Variants in UNC13B observed in about 807,000 individuals in gnomAD.
UNC13B encodes the protein unc-13 homolog B.
UNC13B carries 144 observed loss-of-function variants against 211.0 expected under a neutral mutation model. The observed-to-expected ratio is 0.68, with a 90% CI of 0.60 to 0.78. The LOEUF (loss-of-function observed/expected upper bound fraction) is 0.78, where lower values mean the gene tolerates loss of function less well. Ranked by LOEUF, UNC13B falls within the 30% of genes least tolerant of loss-of-function variation. UNC13B has a pLI of 0.00. For missense variants in UNC13B, 1,777 were observed against 2,002.0 expected (o/e 0.89, Z 2.14); for synonymous variants, 709 against 725.8 (o/e 0.98, Z 0.37).
chr9:35,170,627 C>G (rs1407615081), intron 1 of UNC13B, among the ~76,000 whole-genome samples: 1 of 151,522 alleles, frequency 6.6e-6, no homozygotes, highest in African/African-American at 2.4e-5. Flanking sequence ...AACTACCATG[C>G]TTGGCTAATT....
intron 37 of UNC13B, among the ~76,000 whole-genome samples, chr9:35,402,275 TTTTTTTC>T (rs1836359225): frequency 6.6e-6 from 1 of 150,510 alleles, no homozygotes; most frequent in African/African-American, 2.5e-5. Flanking sequence ...TGGTGTTTTC[TTTTTTTC>T]TTTTTTTTTT....
intron 1 of UNC13B, among the ~76,000 whole-genome samples, chr9:35,218,612 A>C (rs369851457): frequency 1.3e-5 from 2 of 152,004 alleles, no homozygotes; most frequent in Non-Finnish European, 1.5e-5. Context: ...TCCCAGGCTC[A>C]TCTCAGGCTC....
At chr9:35,381,523 A>T in intron 19 of UNC13B, 33 bp from the exon 20 acceptor site, 1 of 1,599,960 alleles carries the variant, frequency 6.3e-7, no homozygotes, top group Non-Finnish European at 8.5e-7. Context: ...TATGTGTTTA[A>T]CCCATTCCCT....
At chr9:35,342,704 G>C (rs1055201124) in intron 11 of UNC13B, among the ~76,000 whole-genome samples, 1 of 152,106 alleles carries the variant, frequency 6.6e-6, no homozygotes, top group Non-Finnish European at 1.5e-5. Flanking sequence ...TTCCTCTCCT[G>C]CATGTGCATA....
At chr9:35,167,400 ATTC>A (rs1821095419) in intron 1 of UNC13B, among the ~76,000 whole-genome samples, 1 of 152,078 alleles carries the variant, frequency 6.6e-6, no homozygotes, top group Non-Finnish European at 1.5e-5. Context: ...GCCCGAGATA[ATTC>A]TTCTTCCACT....
chr9:35,390,095 G>T, intron 25 of UNC13B, 122 bp downstream of exon 25: 1 of 1,494,434 alleles, frequency 6.7e-7, no homozygotes, highest in Non-Finnish European at 9.1e-7. Context: ...CCATCCATCT[G>T]TCCCTCTGTC....
intron 35 of UNC13B, 51 bp from the exon 36 acceptor site, chr9:35,399,598 A>C: frequency 6.2e-7 from 1 of 1,609,416 alleles, no homozygotes; most frequent in African/African-American, 1.3e-5. Context: ...TGGGTGCAAG[A>C]CTTTCATGAC....
chr9:35,332,705 G>T (rs1464964955), intron 11 of UNC13B, among the ~76,000 whole-genome samples: 1 of 152,038 alleles, frequency 6.6e-6, no homozygotes, highest in African/African-American at 2.4e-5. Context: ...CTCGAGTCAT[G>T]GCTACCATTT....
intron 11 of UNC13B, among the ~76,000 whole-genome samples, chr9:35,346,142 A>G (rs1291074240): frequency 1.3e-5 from 2 of 152,176 alleles, no homozygotes; most frequent in Admixed American, 6.5e-5. Context: ...CTGTGGCCCT[A>G]GAAATCCATT....
chr9:35,220,374 A>G (rs1027234545), intron 1 of UNC13B, among the ~76,000 whole-genome samples: 62 of 151,324 alleles, frequency 4.1e-4, no homozygotes, highest in African/African-American at 1.5e-3. Flanking sequence ...ATCACATACT[A>G]GATCTTATTT....
At chr9:35,364,562 C>T (rs1437800356) in intron 11 of UNC13B, 2 of 1,536,006 alleles carry the variant, frequency 1.3e-6, no homozygotes, top group Non-Finnish European at 1.7e-6. Flanking sequence ...GCGAGGAGCC[C>T]TTCAGGTTGT....
rs1238367992 is a variant in UNC13B, at chr9:35,301,509, A to G, written c.2105A>G (p.Tyr702Cys). Residue 702 changes from tyrosine to cysteine, a missense_variant, in exon 9 of 40, where the codon TAC becomes TGC. Tyr to Cys is a radical substitution (Grantham distance 194). Coordinates refer to ENST00000635942, the MANE Select transcript of UNC13B (RefSeq NM_001371189.2). The stretch of plus-strand genomic sequence containing the variant: ...AAAAGGGAAGGCACTCTTGACAATT[A>G]CAGTAGTAGCATCATTGCTTTAAAT... ...LNKREGTLDNYSSSIIALNGS... is the reference protein window; with the variant it reads ...LNKREGTLDNCSSSIIALNGS... The G allele has an allele frequency of 5.0e-6, 2 of 398,728 alleles. No individual in the cohort carries two copies. The highest frequency in any genetic ancestry group is 4.4e-5 in the Admixed American group (1 of 22,704). The allele number at this position is 398,728 out of a possible 1,614,324, so 24.7% of individuals were successfully genotyped here.
chr9:35,223,631 T>A (rs1760088553), intron 1 of UNC13B, among the ~76,000 whole-genome samples: 1 of 152,142 alleles, frequency 6.6e-6, no homozygotes, highest in African/African-American at 2.4e-5. Context: ...CTGTAGTTTG[T>A]CTCTTTATTG....
At chr9:35,252,330 CTTTT>C (rs1826545090) in intron 6 of UNC13B, among the ~76,000 whole-genome samples, 1 of 151,450 alleles carries the variant, frequency 6.6e-6, no homozygotes, top group Non-Finnish European at 1.5e-5. Context: ...TTCTTTCTTT[CTTTT>C]ATTTATTTAT....
chr9:35,378,537 C>A, intron 17 of UNC13B, 101 bp downstream of exon 17: 3 of 1,494,810 alleles, frequency 2.0e-6, no homozygotes, highest in South Asian at 1.2e-5. Flanking sequence ...TGGGCAAAGG[C>A]AGGGGAGAAA....
intron 11 of UNC13B, among the ~76,000 whole-genome samples, chr9:35,344,875 G>A (rs1250642914): frequency 1.3e-5 from 2 of 152,104 alleles, no homozygotes; most frequent in East Asian, 1.9e-4. Context: ...TCAATGACAG[G>A]GTTGGTTTGT....
chr9:35,286,209 T>C (rs938193199), intron 7 of UNC13B, among the ~76,000 whole-genome samples: 1 of 151,398 alleles, frequency 6.6e-6, no homozygotes, highest in Non-Finnish European at 1.5e-5. Flanking sequence ...GACCAAGCCA[T>C]GTTTGGAAGC....
intron 6 of UNC13B, among the ~76,000 whole-genome samples, chr9:35,246,685 G>A (rs1339931430): frequency 7.9e-5 from 12 of 152,052 alleles, no homozygotes; most frequent in Middle Eastern, 3.2e-3. Flanking sequence ...ACTTCTGAGG[G>A]CTCTGTTTTG....
At chr9:35,182,926 CCTTTT>C (rs918771344) in intron 1 of UNC13B, among the ~76,000 whole-genome samples, 4 of 152,120 alleles carry the variant, frequency 2.6e-5, no homozygotes, top group African/African-American at 7.2e-5. Context: ...CACATTTCCC[CCTTTT>C]CTTTTCGACA....
Sources: gnomAD v4.1 joint callset for allele counts (sites outside exome capture counted in the v4.1 genomes callset) on GRCh38, gnomAD v4.1.1 for gene constraint, MANE v1.5 for transcripts, NCBI Gene and HGNC (gene_info 2026-07-23, HGNC 2026-07-21) for gene names.